Variants in ROBO1 observed in about 807,000 individuals in gnomAD.
ROBO1 encodes roundabout homolog 1.
Under a neutral mutation model 195.9 loss-of-function variants are expected in ROBO1, and 149 were observed. The ratio of observed to expected loss-of-function variants is 0.76; its 90% confidence interval spans 0.67 to 0.87. The LOEUF is 0.87. Ranked by LOEUF, ROBO1 falls within the 40% of genes least tolerant of loss-of-function variation. The probability of loss-of-function intolerance (pLI) is 0.00; values close to 1 mark genes in which losing one functional copy is unlikely to be tolerated. For missense variants in ROBO1, 1,933 were observed against 2,068.3 expected (o/e 0.93, Z 1.27); for synonymous variants, 816 against 733.2 (o/e 1.11, Z -1.82).
At chr3:79,545,628 T>C (rs1299646463) in intron 2 of ROBO1, among the ~76,000 whole-genome samples, 1 of 152,166 alleles carries the variant, frequency 6.6e-6, no homozygotes. Context: ...TTAAAAATAT[T>C]TAGTAAATTC....
At chr3:79,297,889 T>G (rs10865574) in intron 2 of ROBO1, among the ~76,000 whole-genome samples, 5 of 152,000 alleles carry the variant, frequency 3.3e-5, no homozygotes, top group Non-Finnish European at 7.4e-5. Flanking sequence ...CTATGTAATA[T>G]AGCATCATGT....
intron 4 of ROBO1, among the ~76,000 whole-genome samples, chr3:78,929,669 A>C (rs905221862): frequency 1.3e-5 from 2 of 151,356 alleles, no homozygotes; most frequent in African/African-American, 4.9e-5. Context: ...CGCCCGGCTA[A>C]TTTTTGTATT....
At chr3:78,805,117 G>A (rs763635562) in intron 4 of ROBO1, among the ~76,000 whole-genome samples, 14 of 152,004 alleles carry the variant, frequency 9.2e-5, no homozygotes, top group African/African-American at 1.7e-4. Context: ...GGAAAGAATC[G>A]GTGTTGGTCC....
chr3:79,753,080 T>A (rs1054607316), intron 1 of ROBO1, among the ~76,000 whole-genome samples: 10 of 152,074 alleles, frequency 6.6e-5, no homozygotes, highest in African/African-American at 2.4e-4. Flanking sequence ...AAATATTTTG[T>A]AAAATGAAAA....
intron 3 of ROBO1, among the ~76,000 whole-genome samples, chr3:79,080,133 A>G (rs1007897484): frequency 1.3e-5 from 2 of 151,718 alleles, no homozygotes; most frequent in Admixed American, 1.3e-4. Flanking sequence ...AAAAATGAAA[A>G]ATTAATTGCT....
chr3:79,635,511 A>G (rs564112832), intron 1 of ROBO1, among the ~76,000 whole-genome samples: 1 of 152,316 alleles, frequency 6.6e-6, no homozygotes, highest in East Asian at 1.9e-4. Flanking sequence ...ACTATCATTG[A>G]ACACCATCTT....
chr3:79,460,127 C>T (rs939443168), intron 2 of ROBO1, among the ~76,000 whole-genome samples: 1 of 152,082 alleles, frequency 6.6e-6, no homozygotes, highest in Non-Finnish European at 1.5e-5. Context: ...AACAATATAT[C>T]TATTACTCTG....
intron 1 of ROBO1, among the ~76,000 whole-genome samples, chr3:79,657,238 T>C (rs1375790582): frequency 6.6e-6 from 1 of 152,056 alleles, no homozygotes; most frequent in Non-Finnish European, 1.5e-5. Flanking sequence ...TACTAATATA[T>C]ACATACATAA....
intron 2 of ROBO1, among the ~76,000 whole-genome samples, chr3:79,534,397 G>A (rs1464522719): frequency 1.4e-5 from 2 of 144,044 alleles, no homozygotes; most frequent in African/African-American, 5.2e-5. Context: ...GCCTAAATTT[G>A]TTAATGTCTT....
At chr3:79,245,154 G>A (rs570445490) in intron 2 of ROBO1, among the ~76,000 whole-genome samples, 1 of 152,042 alleles carries the variant, frequency 6.6e-6, no homozygotes, top group Non-Finnish European at 1.5e-5. Context: ...GCTTCTAAAA[G>A]ATCACATAGT....
chr3:79,322,323 T>G (rs536722558), intron 2 of ROBO1, among the ~76,000 whole-genome samples: 1 of 152,168 alleles, frequency 6.6e-6, no homozygotes, highest in Non-Finnish European at 1.5e-5. Context: ...TATGCCATAA[T>G]TGGAAACCAA....
intron 3 of ROBO1, among the ~76,000 whole-genome samples, chr3:78,951,565 G>T (rs2040793516): frequency 6.6e-6 from 1 of 152,026 alleles, no homozygotes; most frequent in Admixed American, 6.6e-5. Context: ...CTTTTACAAA[G>T]GAACTAGGAT....
intron 2 of ROBO1, among the ~76,000 whole-genome samples, chr3:79,281,563 C>T (rs1679958473): frequency 1.3e-5 from 2 of 151,988 alleles, no homozygotes; most frequent in African/African-American, 2.4e-5. Flanking sequence ...ATTCTGTGCT[C>T]AATACTATAT....
At chr3:79,050,335 CAAG>C (rs755350201) in intron 3 of ROBO1, among the ~76,000 whole-genome samples, 2 of 152,146 alleles carry the variant, frequency 1.3e-5, no homozygotes, top group African/African-American at 2.4e-5. Flanking sequence ...ATCAATTCAA[CAAG>C]AAGAAGTAAC....
chr3:79,376,055 C>A (rs1035564371), intron 2 of ROBO1, among the ~76,000 whole-genome samples: 3 of 152,134 alleles, frequency 2.0e-5, no homozygotes, highest in Admixed American at 6.5e-5. Context: ...TCCGTGTAAC[C>A]TAACTAAGCT....
chr3:79,515,081 C>A (rs1446337885), intron 2 of ROBO1, among the ~76,000 whole-genome samples: 4 of 152,088 alleles, frequency 2.6e-5, no homozygotes, highest in Admixed American at 6.6e-5. Context: ...TTCTCCGAGC[C>A]TTGTTTGCTG....
At chr3:79,088,203 T>C (rs2079410622) in intron 3 of ROBO1, among the ~76,000 whole-genome samples, 1 of 152,138 alleles carries the variant, frequency 6.6e-6, no homozygotes, top group Non-Finnish European at 1.5e-5. Flanking sequence ...ATGTGATCCA[T>C]GTATAACAGA....
chr3:79,405,320 T>C (rs533268330), intron 2 of ROBO1, among the ~76,000 whole-genome samples: 12 of 152,314 alleles, frequency 7.9e-5, no homozygotes, highest in Non-Finnish European at 1.3e-4. Flanking sequence ...GCTCAGATGA[T>C]TGCAAAATAA....
At chr3:78,721,449 C>A (rs992925389) in intron 5 of ROBO1, among the ~76,000 whole-genome samples, 2 of 152,086 alleles carry the variant, frequency 1.3e-5, no homozygotes, top group African/African-American at 4.8e-5. Context: ...TTGGATAGCA[C>A]GCCGAGCCTC....
Sources: gnomAD v4.1 joint callset for allele counts (sites outside exome capture counted in the v4.1 genomes callset) on GRCh38, gnomAD v4.1.1 for gene constraint, MANE v1.5 for transcripts, NCBI Gene and HGNC (gene_info 2026-07-23, HGNC 2026-07-21) for gene names.